CHEK2: variants seen among roughly 807,000 people sequenced by gnomAD.
The protein encoded by CHEK2 is checkpoint kinase 2.
In CHEK2, 71 loss-of-function variants were observed where a neutral mutation model predicts 69.1. That is an observed-to-expected ratio of 1.03 (90% confidence interval 0.85 to 1.25). CHEK2 has a LOEUF of 1.25. Among genes scored for constraint, CHEK2 ranks in the 50% most tolerant of loss-of-function variants. The probability of loss-of-function intolerance (pLI) is 0.00; values close to 1 mark genes in which losing one functional copy is unlikely to be tolerated. For synonymous variants in CHEK2, 189 were observed against 226.9 expected, an observed-to-expected ratio of 0.83 and a Z score of 1.50; for missense variants, 664 against 649.6, an observed-to-expected ratio of 1.02 and a Z score of -0.24.
chr22:28,731,428 G>A (rs974433945), intron 2 of CHEK2, among the ~76,000 whole-genome samples: 9 of 151,776 alleles, frequency 5.9e-5, no homozygotes, highest in East Asian at 1.9e-4. Flanking sequence ...ATGACAACCC[G>A]TCCCTACTAA....
At chr22:28,722,539 CAAAAAAAAAAAAA>C (rs755107963) in intron 4 of CHEK2, among the ~76,000 whole-genome samples, 1 of 67,930 alleles carries the variant, frequency 1.5e-5, no homozygotes, top group Middle Eastern at 7.6e-3. Flanking sequence ...GACTCCGTCT[CAAAAAAAAAAAAA>C]AAAAAAAGAA....
chr22:28,706,002 G>A (rs202102855), intron 7 of CHEK2, among the ~76,000 whole-genome samples: 3 of 22,388 alleles, frequency 1.3e-4, no homozygotes, highest in African/African-American at 1.3e-4. Context: ...CTAAACTAAA[G>A]CAAGGGACAG....
chr22:28,708,363 A>G (rs5762755), intron 7 of CHEK2, among the ~76,000 whole-genome samples: 40,211 of 139,714 alleles, frequency 0.29, 7,093 homozygotes, highest in South Asian at 0.41. Flanking sequence ...CTCTAAAAAT[A>G]TGTGTGTGTG....
In CHEK2 at chr22:28,708,367, G is replaced by GTGTGTGTGTGTC. The variant is rs764899033; in HGVS notation, c.846+1638_846+1639insGACACACACACA. On this transcript the variant is annotated intron_variant, in intron 7 of 14. Coordinates refer to ENST00000404276, the MANE Select transcript of CHEK2 (RefSeq NM_007194.4). ...AGACAGACTGTCTCTAAAAATATGT[G>GTGTGTGTGTGTC]TGTGTGTGTGTGTGTGTGTGTGTGT... Among the ~76,000 whole-genome samples, 1,060 of 144,954 alleles carry GTGTGTGTGTGTC rather than the reference G, an allele frequency of 7.3e-3. 16 individuals are homozygous for GTGTGTGTGTGTC. The highest frequency in any genetic ancestry group is 0.029 in the Admixed American group (430 of 14,616).
intron 7 of CHEK2, among the ~76,000 whole-genome samples, chr22:28,705,887 G>A (rs376843557): frequency 2.6e-5 from 4 of 151,952 alleles, no homozygotes; most frequent in South Asian, 2.1e-4. Flanking sequence ...AGTTTGCAGT[G>A]AGCCTAAATC....
At chr22:28,707,696 G>A (rs2053201619) in intron 7 of CHEK2, among the ~76,000 whole-genome samples, 1 of 152,108 alleles carries the variant, frequency 6.6e-6, no homozygotes, top group African/African-American at 2.4e-5. Flanking sequence ...CTTGTAAAAT[G>A]CAAATAAATA....
At chr22:28,689,663 G>C (rs1367154852) in intron 13 of CHEK2, among the ~76,000 whole-genome samples, 1 of 152,128 alleles carries the variant, frequency 6.6e-6, no homozygotes, top group Non-Finnish European at 1.5e-5. Flanking sequence ...CAGCACCCTA[G>C]GAAAATTCAC....
intron 6 of CHEK2, among the ~76,000 whole-genome samples, chr22:28,711,448 T>C (rs912768808): frequency 6.6e-6 from 1 of 152,172 alleles, no homozygotes; most frequent in African/African-American, 2.4e-5. Context: ...TATGCTATAA[T>C]GCATTTGTGG....
rs554107994 is a variant in CHEK2 at position 28,741,773 on chromosome 22, T to G, written c.-11A>C. 2.2e-6 allele frequency: 1 copy of G among 445,556 alleles called. No individual in the cohort carries two copies. Among genetic ancestry groups the G allele is most frequent in the South Asian group, 2.5e-5 (1 of 40,212 alleles). 27.6% of individuals were successfully genotyped at this position (445,556 alleles called of 1,614,324 possible). On this transcript the variant is annotated 5_prime_UTR_variant, in exon 1 of 15. Transcript: ENST00000404276. ...GAAGTTCCCCATATGACTCACCGCG[T>G]GAGCCCACCTGGAGCCGCACACTCT...
At chr22:28,730,381 G>T in intron 2 of CHEK2, 1 of 544,374 alleles carries the variant, frequency 1.8e-6, no homozygotes, top group South Asian at 2.4e-5. Context: ...AAAAGGGAAA[G>T]AGAAAGGGAA....
At chr22:28,688,317 A>G (rs1053408806) in intron 14 of CHEK2, among the ~76,000 whole-genome samples, 1 of 152,226 alleles carries the variant, frequency 6.6e-6, no homozygotes, top group African/African-American at 2.4e-5. Context: ...TGAAGCCCCA[A>G]GTCTTGGTCT....
chr22:28,735,184 A>C (rs566232267), intron 1 of CHEK2, among the ~76,000 whole-genome samples: 2 of 152,234 alleles, frequency 1.3e-5, no homozygotes, highest in South Asian at 4.2e-4. Flanking sequence ...AGACGGGCAG[A>C]TCATGAGGTC....
intron 8 of CHEK2, 116 bp downstream of exon 8, chr22:28,703,389 T>G: frequency 2.9e-6 from 2 of 680,518 alleles, no homozygotes; most frequent in Non-Finnish European, 5.4e-6. Context: ...GCCCCACTAC[T>G]ACATACATAC....
At chr22:28,722,554 AAAAAAG>A (rs1321031490) in intron 4 of CHEK2, among the ~76,000 whole-genome samples, 4 of 149,794 alleles carry the variant, frequency 2.7e-5, no homozygotes, top group African/African-American at 2.5e-5. Context: ...AAAAAAAAAA[AAAAAAG>A]AAAAGAAAAG....
At chr22:28,737,548 C>T (rs2054448604) in intron 1 of CHEK2, among the ~76,000 whole-genome samples, 1 of 150,822 alleles carries the variant, frequency 6.6e-6, no homozygotes, top group Non-Finnish European at 1.5e-5. Flanking sequence ...TGGCTCATTG[C>T]AACCTCCACC....
chr22:28,740,533 T>C (rs2054526008), intron 1 of CHEK2, among the ~76,000 whole-genome samples: 1 of 152,224 alleles, frequency 6.6e-6, no homozygotes, highest in African/African-American at 2.4e-5. Context: ...TAATGTAAGA[T>C]TTTTAATCTA....
At chr22:28,703,755 T>A (rs916087394) in intron 7 of CHEK2, among the ~76,000 whole-genome samples, 189 bp from the exon 8 acceptor site, 1 of 152,182 alleles carries the variant, frequency 6.6e-6, no homozygotes, top group African/African-American at 2.4e-5. Context: ...AGTGAGAACA[T>A]GCAAGAAATT....
intron 9 of CHEK2, among the ~76,000 whole-genome samples, chr22:28,699,565 A>C (rs2052738789): frequency 6.6e-6 from 1 of 151,710 alleles, no homozygotes; most frequent in Non-Finnish European, 1.5e-5. Flanking sequence ...GGGTTTCACT[A>C]TGTTGGTCAG....
chr22:28,734,269 T>C, intron 2 of CHEK2, 134 bp downstream of exon 2: 1 of 780,198 alleles, frequency 1.3e-6, no homozygotes, highest in Non-Finnish European at 2.2e-6. Flanking sequence ...TGCTTGTTCA[T>C]GCATGATGTT....
Sources: gnomAD v4.1 joint callset for allele counts (sites outside exome capture counted in the v4.1 genomes callset) on GRCh38, gnomAD v4.1.1 for gene constraint, MANE v1.5 for transcripts, NCBI Gene and HGNC (gene_info 2026-07-23, HGNC 2026-07-21) for gene names.